The following SLC15A5 variants were observed in gnomAD, a reference collection of about 807,000 sequenced individuals.
SLC15A5 encodes solute carrier family 15 member 5.
A neutral mutation model predicts 56.1 loss-of-function variants in SLC15A5; 58 were observed. That is an observed-to-expected ratio of 1.03 (90% CI 0.84 to 1.29). The LOEUF (loss-of-function observed/expected upper bound fraction) is 1.29, where lower values mean the gene tolerates loss of function less well. Among genes scored for constraint, SLC15A5 ranks in the 50% most tolerant of loss-of-function variants. The pLI is 0.00. For synonymous variants in SLC15A5, 264 were observed against 250.5 expected (o/e 1.05, Z -0.51); for missense variants, 681 against 672.1 (o/e 1.01, Z -0.15).
At chr12:16,208,547 T>G (rs923836070) in intron 7 of SLC15A5, among the ~76,000 whole-genome samples, 1 of 152,058 alleles carries the variant, frequency 6.6e-6, no homozygotes, top group Admixed American at 6.6e-5. Flanking sequence ...GGTGTGTGCC[T>G]ACGGTCCTAC....
At chr12:16,213,854 C>A (rs573681782) in intron 7 of SLC15A5, among the ~76,000 whole-genome samples, 1 of 152,178 alleles carries the variant, frequency 6.6e-6, no homozygotes, top group Non-Finnish European at 1.5e-5. Context: ...CCAAATTGTG[C>A]CAGAATTATA....
intron 6 of SLC15A5, 96 bp from the exon 7 acceptor site, chr12:16,217,120 T>C (rs1864137944): frequency 7.7e-7 from 1 of 1,300,076 alleles, no homozygotes; most frequent in Admixed American, 3.2e-5. Flanking sequence ...TCAAAGAAAA[T>C]TTACTGATAC....
intron 1 of SLC15A5, among the ~76,000 whole-genome samples, chr12:16,275,438 A>G (rs1864806469): frequency 6.6e-6 from 1 of 152,042 alleles, no homozygotes; most frequent in Non-Finnish European, 1.5e-5. Flanking sequence ...AATAGAAGCA[A>G]TATAGAGATT....
Position 16,269,351 on chromosome 12 carries a change from C to A in SLC15A5, c.584+3210G>T, listed in dbSNP as rs1376070821. 6.6e-6 allele frequency among the ~76,000 whole-genome samples: 1 copy of A among 152,138 alleles called. No individual in the cohort carries two copies. The highest frequency in any genetic ancestry group is 1.5e-5 in the Non-Finnish European group (1 of 68,042). The stretch of plus-strand genomic sequence containing the variant: ...ACAGTGGTTCTCAACTCTAACTGGG[C>A]AGCTTTAAAAAATCCTGGTCCCTGG... On this transcript the variant is annotated intron_variant, in intron 2 of 8. Transcript: ENST00000344941. This position sits in a 1 kb window ranked among gnomAD's most constrained non-coding sequence, Gnocchi z 4.7.
chr12:16,228,554 C>T (rs1038509952), intron 5 of SLC15A5, among the ~76,000 whole-genome samples: 1 of 152,144 alleles, frequency 6.6e-6, no homozygotes, highest in African/African-American at 2.4e-5. Flanking sequence ...ATACACTTGA[C>T]CCTTGAACAA....
At chr12:16,203,854 A>G (rs2136240896) in intron 7 of SLC15A5, among the ~76,000 whole-genome samples, 1 of 152,318 alleles carries the variant, frequency 6.6e-6, no homozygotes, top group African/African-American at 2.4e-5. Context: ...ATTAAATTGG[A>G]TGCAGATGAA....
intron 5 of SLC15A5, among the ~76,000 whole-genome samples, chr12:16,232,621 G>C (rs1416874023): frequency 1.3e-5 from 2 of 152,126 alleles, no homozygotes; most frequent in Non-Finnish European, 2.9e-5. Context: ...CATCAGAAAA[G>C]CAATGGACTT....
intron 2 of SLC15A5, among the ~76,000 whole-genome samples, chr12:16,259,009 TC>T (rs1864610279): frequency 1.1e-4 from 14 of 132,292 alleles, no homozygotes; most frequent in Non-Finnish European, 1.4e-4. Context: ...TTTTTCTTTT[TC>T]TTTTCTTTCT....
At chr12:16,259,525 G>A (rs986850083) in intron 2 of SLC15A5, among the ~76,000 whole-genome samples, 1 of 152,130 alleles carries the variant, frequency 6.6e-6, no homozygotes, top group Non-Finnish European at 1.5e-5. Context: ...GAAGGTTTGA[G>A]AAGAAAGAAA....
chr12:16,241,432 A>G (rs908555560), intron 4 of SLC15A5, among the ~76,000 whole-genome samples: 1 of 152,210 alleles, frequency 6.6e-6, no homozygotes, highest in Non-Finnish European at 1.5e-5. Flanking sequence ...CTAATTGTAA[A>G]ATGAGCCTAT....
intron 1 of SLC15A5, among the ~76,000 whole-genome samples, chr12:16,274,185 T>A (rs1864791763): frequency 6.6e-6 from 1 of 152,024 alleles, no homozygotes; most frequent in Non-Finnish European, 1.5e-5. Context: ...GTGCACATCT[T>A]TATTAGCCTA....
intron 6 of SLC15A5, among the ~76,000 whole-genome samples, chr12:16,220,178 C>T (rs952715928): frequency 2.0e-5 from 3 of 152,154 alleles, no homozygotes; most frequent in Admixed American, 2.0e-4. Flanking sequence ...ATTTTTAGAC[C>T]ATTATATCTC....
intron 1 of SLC15A5, among the ~76,000 whole-genome samples, chr12:16,275,736 A>T (rs1320241628): frequency 6.6e-6 from 1 of 152,056 alleles, no homozygotes; most frequent in African/African-American, 2.4e-5. Context: ...TGTTTGCCAG[A>T]TTCCAAAGTT....
chr12:16,264,923 T>A (rs564301613), intron 2 of SLC15A5, among the ~76,000 whole-genome samples: 2 of 152,300 alleles, frequency 1.3e-5, no homozygotes, highest in South Asian at 4.1e-4. Flanking sequence ...GGTATGTCTT[T>A]ATCAGCAGCA....
At chr12:16,270,780 G>GTA (rs1864745370) in intron 2 of SLC15A5, among the ~76,000 whole-genome samples, 2 of 152,100 alleles carry the variant, frequency 1.3e-5, no homozygotes, top group East Asian at 3.9e-4. Flanking sequence ...CTTGTCACCA[G>GTA]CCCCCGCACT....
intron 6 of SLC15A5, among the ~76,000 whole-genome samples, chr12:16,223,218 G>C (rs1864205630): frequency 6.6e-6 from 1 of 152,090 alleles, no homozygotes. Context: ...AGACACAGAT[G>C]GAATGGTTAG....
In SLC15A5 at chr12:16,219,331, A is replaced by C. The variant is rs550047742; in HGVS notation, c.1352-2307T>G. On this transcript the variant is annotated intron_variant, in intron 6 of 8. Transcript: ENST00000344941. ...CTTGGAGTATTTTCAGAAAGGTCCA[A>C]ATGGGAATATGAGAGGAAGCCTGAA... Among the ~76,000 whole-genome samples, 176 of 152,304 alleles carry C rather than the reference A, an allele frequency of 1.2e-3. 1 individual carries two copies. The highest frequency in any genetic ancestry group is 4.2e-3 in the African/African-American group (174 of 41,578).
At position 16,189,682 on chromosome 12, in the gene SLC15A5, C is replaced by T. The variant is rs1461573229; in HGVS notation, c.1726G>A (p.Glu576Lys). The T allele has an allele frequency of 5.3e-6, 8 of 1,516,958 alleles. No homozygotes were observed. Among genetic ancestry groups the T allele is most frequent in the African/African-American group, 1.4e-5 (1 of 72,188 alleles). The allele number at this position is 1,516,958 out of a possible 1,614,324, so 94.0% of individuals were successfully genotyped here. Residue 576 changes from glutamate (E) to lysine (K), a missense_variant, in exon 9 of 9, where the codon GAG (glutamate) becomes AAG (lysine). Physicochemically the swap from Glu to Lys is moderately conservative, Grantham distance 56. Transcript: ENST00000344941. The stretch of plus-strand genomic sequence containing the variant: ...CAAACACAGTTTCATAGGGCTGTCT[C>T]CCAAAGATCAATACTTGAAGAAAAT... Reference protein sequence around the residue: ...QEFSSSIDLWETAL With the variant: ...QEFSSSIDLWKTAL
intron 5 of SLC15A5, among the ~76,000 whole-genome samples, chr12:16,238,629 C>CA (rs36053667): frequency 0.51 from 58,915 of 115,848 alleles, 15,533 homozygotes; most frequent in Middle Eastern, 0.56. Context: ...GACTCCGTCT[C>CA]AAAAAAAAAA....
Sources: gnomAD v4.1 joint callset for allele counts (sites outside exome capture counted in the v4.1 genomes callset) on GRCh38, gnomAD v4.1.1 for gene constraint, Gnocchi (gnomAD v3.1) non-coding constraint, MANE v1.5 for transcripts, NCBI Gene and HGNC (gene_info 2026-07-23, HGNC 2026-07-21) for gene names.